The following DACH1 variants were observed in gnomAD, a reference collection of about 807,000 sequenced individuals.
DACH1 encodes the protein dachshund family transcription factor 1, also known as dachshund homolog 1.
In DACH1, 12 loss-of-function variants were observed where a neutral mutation model predicts 54.2. The ratio of observed to expected loss-of-function variants is 0.22; its 90% CI spans 0.14 to 0.36. The LOEUF is 0.36. Among genes scored for constraint, DACH1 ranks in the 10% least tolerant of loss-of-function variants. The pLI is 1.00. For synonymous variants in DACH1, 386 were observed against 366.2 expected (o/e 1.05, Z -0.62); for missense variants, 805 against 929.8 (o/e 0.87, Z 1.75).
At chr13:71,441,798 T>C (rs1403247260) in intron 10 of DACH1, among the ~76,000 whole-genome samples, 3 of 152,134 alleles carry the variant, frequency 2.0e-5, no homozygotes, top group Non-Finnish European at 4.4e-5. Context: ...ATATCAGCAA[T>C]GTTAAATCAT....
chr13:71,799,936 T>G (rs1424557918), intron 1 of DACH1, among the ~76,000 whole-genome samples: 1 of 152,072 alleles, frequency 6.6e-6, no homozygotes, highest in Non-Finnish European at 1.5e-5. Context: ...AGTGATCAGT[T>G]TATGGATACT....
At chr13:71,741,236 A>C (rs1884366711) in intron 1 of DACH1, among the ~76,000 whole-genome samples, 1 of 152,194 alleles carries the variant, frequency 6.6e-6, no homozygotes, top group African/African-American at 2.4e-5. Context: ...GCAAAGTACC[A>C]AGCACATGGA....
intron 3 of DACH1, among the ~76,000 whole-genome samples, chr13:71,625,751 T>A (rs368362701): frequency 1.1e-4 from 16 of 152,054 alleles, no homozygotes; most frequent in African/African-American, 3.4e-4. Flanking sequence ...AGGGCATTAG[T>A]GTACCCTTGC....
chr13:71,442,553 A>G (rs1000418640), intron 10 of DACH1, among the ~76,000 whole-genome samples: 6 of 152,094 alleles, frequency 3.9e-5, no homozygotes, highest in Non-Finnish European at 7.4e-5. Flanking sequence ...ATGAAACTCT[A>G]TTTTGCTCAT....
chr13:71,694,190 C>T (rs1270172106), intron 1 of DACH1, among the ~76,000 whole-genome samples: 1 of 150,024 alleles, frequency 6.7e-6, no homozygotes, highest in Admixed American at 6.6e-5. Flanking sequence ...TTTGAGAAAC[C>T]TGTAAACACA....
In DACH1 at chr13:71,767,092, C is replaced by A. The variant is rs150410931; in HGVS notation, c.849-85182G>T. 2.1e-4 allele frequency among the ~76,000 whole-genome samples: 32 copies of A among 152,052 alleles called. No individual in the cohort carries two copies. In the East Asian group the frequency reaches 3.5e-3, roughly 17 times the overall value. ...AGTACATTTTCCTAATAATTAATTA[C>A]TTAGTCATTGGCAAATTAAAACATC... On this transcript the variant is annotated intron_variant, in intron 1 of 10. Coordinates refer to ENST00000613252, the MANE Select transcript of DACH1 (RefSeq NM_080759.6).
chr13:71,441,837 C>T (rs1874031578), intron 10 of DACH1, among the ~76,000 whole-genome samples: 2 of 151,698 alleles, frequency 1.3e-5, no homozygotes. Flanking sequence ...ATTGGTAAGC[C>T]CAAATTATAT....
chr13:71,588,064 C>T (rs531405005), intron 3 of DACH1, among the ~76,000 whole-genome samples: 1 of 152,152 alleles, frequency 6.6e-6, no homozygotes, highest in African/African-American at 2.4e-5. Context: ...TGATGCAACA[C>T]CACATTTATT....
At chr13:71,804,268 G>A (rs1990658) in intron 1 of DACH1, among the ~76,000 whole-genome samples, 25,726 of 152,084 alleles carry the variant, frequency 0.17, 3,945 homozygotes, top group East Asian at 0.83. Flanking sequence ...AGCCATGTTC[G>A]TACTACTGGA....
chr13:71,667,561 T>C (rs746496013), intron 2 of DACH1, among the ~76,000 whole-genome samples: 1 of 152,208 alleles, frequency 6.6e-6, no homozygotes, highest in Non-Finnish European at 1.5e-5. Context: ...TTCTCTCTCA[T>C]TGATACATAT....
intron 3 of DACH1, among the ~76,000 whole-genome samples, chr13:71,605,563 AC>A (rs1257214903): frequency 6.6e-6 from 1 of 151,948 alleles, no homozygotes; most frequent in Non-Finnish European, 1.5e-5. Context: ...ATAATTGATT[AC>A]TTTTCATATA....
intron 7 of DACH1, among the ~76,000 whole-genome samples, chr13:71,480,654 A>G (rs1405611035): frequency 1.3e-5 from 2 of 152,134 alleles, no homozygotes; most frequent in African/African-American, 4.8e-5. Flanking sequence ...TTAAAATGAG[A>G]TGAAAGTTGA....
chr13:71,613,831 C>T (rs2138522658), intron 3 of DACH1, among the ~76,000 whole-genome samples: 1 of 152,212 alleles, frequency 6.6e-6, no homozygotes, highest in East Asian at 1.9e-4. Context: ...TCTATCTCGA[C>T]CTCCCGAGTT....
chr13:71,598,026 G>A (rs112217547), intron 3 of DACH1, among the ~76,000 whole-genome samples: 1 of 149,660 alleles, frequency 6.7e-6, no homozygotes, highest in East Asian at 2.0e-4. Context: ...GTTACAGTGA[G>A]CCCAGAGGGC....
At chr13:71,645,240 A>T (rs1283259207) in intron 2 of DACH1, among the ~76,000 whole-genome samples, 3 of 152,132 alleles carry the variant, frequency 2.0e-5, no homozygotes, top group Admixed American at 1.3e-4. Flanking sequence ...TTACTGCATA[A>T]TTTTGACATA....
At chr13:71,805,938 G>C (rs762254806) in intron 1 of DACH1, among the ~76,000 whole-genome samples, 2 of 152,086 alleles carry the variant, frequency 1.3e-5, no homozygotes, top group Non-Finnish European at 2.9e-5. Context: ...CTCCCGAGTA[G>C]CTGGGATTAC....
At chr13:71,746,216 C>CAAATAAAATA (rs551026831) in intron 1 of DACH1, among the ~76,000 whole-genome samples, 1 of 151,824 alleles carries the variant, frequency 6.6e-6, no homozygotes, top group Non-Finnish European at 1.5e-5. Context: ...GACCCTGTTT[C>CAAATAAAATA]AAATAAAATA....
chr13:71,854,064 C>T (rs1873843588), intron 1 of DACH1, among the ~76,000 whole-genome samples: 1 of 151,800 alleles, frequency 6.6e-6, no homozygotes, highest in South Asian at 2.1e-4. Flanking sequence ...TTAACCCACT[C>T]TCCAAAAAAA....
At chr13:71,746,889 T>C (rs980154479) in intron 1 of DACH1, among the ~76,000 whole-genome samples, 1 of 152,180 alleles carries the variant, frequency 6.6e-6, no homozygotes, top group African/African-American at 2.4e-5. Flanking sequence ...AAATACAATG[T>C]GGTAAATATT....
Sources: gnomAD v4.1 joint callset for allele counts (sites outside exome capture counted in the v4.1 genomes callset) on GRCh38, gnomAD v4.1.1 for gene constraint, MANE v1.5 for transcripts, NCBI Gene and HGNC (gene_info 2026-07-23, HGNC 2026-07-21) for gene names.